RYR3: variants seen among roughly 807,000 people sequenced by gnomAD.
RYR3 encodes the protein ryanodine receptor 3, also known as brain ryanodine receptor-calcium release channel.
In RYR3, 207 loss-of-function variants were observed where a neutral mutation model predicts 584.3. The ratio of observed to expected loss-of-function variants is 0.35; its 90% CI spans 0.32 to 0.40. The LOEUF (loss-of-function observed/expected upper bound fraction) is 0.40, where lower values mean the gene tolerates loss of function less well. Among genes scored for constraint, RYR3 ranks in the 10% least tolerant of loss-of-function variants. The pLI, the probability that RYR3 is intolerant of heterozygous loss-of-function variation, is 1.00. For missense variants in RYR3, 5,616 were observed against 6,089.2 expected (o/e 0.92, Z 2.59); for synonymous variants, 2,416 against 2,248.5 (o/e 1.07, Z -2.11).
chr15:33,560,044 T>C (rs1158219874), intron 10 of RYR3, among the ~76,000 whole-genome samples: 2 of 152,222 alleles, frequency 1.3e-5, no homozygotes, highest in Non-Finnish European at 2.9e-5. Flanking sequence ...ATGATTGGAT[T>C]AGCTCTATTT....
At chr15:33,591,584 C>T (rs1016387136) in intron 16 of RYR3, among the ~76,000 whole-genome samples, 1 of 152,198 alleles carries the variant, frequency 6.6e-6, no homozygotes, top group Non-Finnish European at 1.5e-5. Flanking sequence ...AAAATTCTAA[C>T]AGTCACTGTA....
At chr15:33,487,241 A>G (rs959248322) in intron 2 of RYR3, among the ~76,000 whole-genome samples, 24 of 150,778 alleles carry the variant, frequency 1.6e-4, no homozygotes, top group African/African-American at 5.6e-4. Flanking sequence ...GAGCATATTG[A>G]TCCCGGAGTA....
At chr15:33,402,888 G>A (rs1056016785) in intron 1 of RYR3, among the ~76,000 whole-genome samples, 3 of 152,244 alleles carry the variant, frequency 2.0e-5, no homozygotes, top group Non-Finnish European at 4.4e-5. Flanking sequence ...GTCAGCTGCA[G>A]GGAGGCAGGC....
chr15:33,682,161 C>A (rs1421361625), intron 38 of RYR3, among the ~76,000 whole-genome samples: 6 of 152,148 alleles, frequency 3.9e-5, no homozygotes, highest in African/African-American at 7.2e-5. Context: ...ATAAGGGTCA[C>A]ACATGGTGGG....
At chr15:33,382,667 G>A (rs542302034) in intron 1 of RYR3, among the ~76,000 whole-genome samples, 13 of 152,146 alleles carry the variant, frequency 8.5e-5, no homozygotes, top group African/African-American at 3.1e-4. Context: ...AAAGAATGAA[G>A]TAGATCTGTG....
At chr15:33,472,698 C>G (rs751185408) in intron 1 of RYR3, among the ~76,000 whole-genome samples, 1 of 151,222 alleles carries the variant, frequency 6.6e-6, no homozygotes, top group African/African-American at 2.4e-5. Flanking sequence ...AGGGCTGCCT[C>G]TTTTCCAGGG....
intron 102 of RYR3, among the ~76,000 whole-genome samples, chr15:33,862,535 C>T (rs1367620543): frequency 2.0e-5 from 3 of 152,198 alleles, no homozygotes; most frequent in African/African-American, 7.2e-5. Flanking sequence ...AGAGCAGGCT[C>T]AGCCTTTGGA....
At chr15:33,444,688 C>T (rs534265481) in intron 1 of RYR3, among the ~76,000 whole-genome samples, 75 of 152,220 alleles carry the variant, frequency 4.9e-4, no homozygotes, top group African/African-American at 1.7e-3. Context: ...TAGACCTGAG[C>T]GGTGGGTCAA....
At chr15:33,445,795 AAGTT>A (rs1279331955) in intron 1 of RYR3, among the ~76,000 whole-genome samples, 1 of 151,812 alleles carries the variant, frequency 6.6e-6, no homozygotes. Flanking sequence ...GTTAAAAGTC[AAGTT>A]AGTTCATCCT....
chr15:33,649,901 C>T (rs2062363452), intron 31 of RYR3, among the ~76,000 whole-genome samples: 1 of 152,182 alleles, frequency 6.6e-6, no homozygotes. Flanking sequence ...GGTACAGGAG[C>T]ATCTTTTCCC....
chr15:33,375,836 G>T (rs181399608), intron 1 of RYR3, among the ~76,000 whole-genome samples: 3 of 152,126 alleles, frequency 2.0e-5, no homozygotes, highest in Non-Finnish European at 4.4e-5. Flanking sequence ...AGGCCGAGGC[G>T]GGCGGATCAT....
At chr15:33,706,174 T>G (rs370504702) in intron 42 of RYR3, among the ~76,000 whole-genome samples, 1 of 152,334 alleles carries the variant, frequency 6.6e-6, no homozygotes, top group East Asian at 1.9e-4. Flanking sequence ...GTTCTTTCTT[T>G]GTTTGTTTCT....
intron 1 of RYR3, among the ~76,000 whole-genome samples, chr15:33,358,089 A>G (rs370377415): frequency 6.6e-6 from 1 of 152,234 alleles, no homozygotes; most frequent in Non-Finnish European, 1.5e-5. Flanking sequence ...GAGTAGAGTC[A>G]TGGGAAGAGT....
chr15:33,688,572 C>CAAAAA (rs34312921), intron 38 of RYR3, among the ~76,000 whole-genome samples: 1 of 63,660 alleles, frequency 1.6e-5, no homozygotes, highest in Non-Finnish European at 3.5e-5. Context: ...GACTCCATCT[C>CAAAAA]AAAAAAAAAA....
chr15:33,428,837 C>T (rs1049150998), intron 1 of RYR3, among the ~76,000 whole-genome samples: 20 of 152,032 alleles, frequency 1.3e-4, no homozygotes, highest in African/African-American at 3.6e-4. Flanking sequence ...TATAGGGTAC[C>T]ACATTAAGTT....
At chr15:33,555,288 T>C (rs1435186227) in intron 10 of RYR3, among the ~76,000 whole-genome samples, 5 of 152,166 alleles carry the variant, frequency 3.3e-5, no homozygotes, top group Non-Finnish European at 7.4e-5. Context: ...GCGCTGTTTT[T>C]GCCAGTCCCC....
At chr15:33,320,246 A>G (rs934574009) in intron 1 of RYR3, among the ~76,000 whole-genome samples, 1 of 152,240 alleles carries the variant, frequency 6.6e-6, no homozygotes, top group African/African-American at 2.4e-5. Context: ...CATTTATCAC[A>G]GGGTATAAAA....
intron 88 of RYR3, among the ~76,000 whole-genome samples, 160 bp from the exon 89 acceptor site, chr15:33,837,471 G>A (rs959155821): frequency 6.6e-6 from 1 of 152,222 alleles, no homozygotes; most frequent in Non-Finnish European, 1.5e-5. Flanking sequence ...GCTCCTAGTG[G>A]TGTAGTCTTT....
chr15:33,564,990 C>T (rs969948060), intron 11 of RYR3, among the ~76,000 whole-genome samples: 2 of 152,124 alleles, frequency 1.3e-5, no homozygotes, highest in Non-Finnish European at 2.9e-5. Context: ...AAAAACCAAT[C>T]GAGCACAAAC....
Sources: allele counts gnomAD v4.1 joint callset (sites outside exome capture counted in the v4.1 genomes callset), GRCh38; gene constraint gnomAD v4.1.1; transcripts MANE v1.5; gene names NCBI Gene and HGNC (gene_info 2026-07-23, HGNC 2026-07-21).